SLC24A3: variants seen among roughly 807,000 people sequenced by gnomAD.
SLC24A3 encodes the protein solute carrier family 24 member 3, also known as sodium/potassium/calcium exchanger 3.
SLC24A3 carries 28 observed loss-of-function variants against 75.8 expected under a neutral mutation model. The ratio of observed to expected loss-of-function variants is 0.37; its 90% CI spans 0.27 to 0.51. The LOEUF (loss-of-function observed/expected upper bound fraction) is 0.51. SLC24A3 is among the 20% of genes least tolerant of loss of function. The pLI is 0.94. For missense variants in SLC24A3, 663 were observed against 847.8 expected (o/e 0.78, Z 2.71); for synonymous variants, 372 against 334.1 (o/e 1.11, Z -1.24).
chr20:19,577,884 T>G (rs1252179160), intron 3 of SLC24A3, among the ~76,000 whole-genome samples: 2 of 152,222 alleles, frequency 1.3e-5, no homozygotes, highest in Admixed American at 6.5e-5. Flanking sequence ...GATAACTTAT[T>G]GTAGTCAGCA....
chr20:19,636,094 C>T (rs182756532), intron 6 of SLC24A3, among the ~76,000 whole-genome samples: 1 of 152,212 alleles, frequency 6.6e-6, no homozygotes, highest in Admixed American at 6.5e-5. Context: ...GAGCCAAGAT[C>T]GTGCCACTGC....
chr20:19,534,456 G>A (rs532578615), intron 3 of SLC24A3, among the ~76,000 whole-genome samples: 2 of 100,844 alleles, frequency 2.0e-5, no homozygotes, highest in Admixed American at 1.1e-4. Context: ...TGTCACCCAG[G>A]CTGGAGTGCA....
chr20:19,559,087 G>T (rs1243261971), intron 3 of SLC24A3, among the ~76,000 whole-genome samples: 1 of 152,176 alleles, frequency 6.6e-6, no homozygotes, highest in Non-Finnish European at 1.5e-5. Context: ...ACTCCCACCA[G>T]CAATATCTGA....
At chr20:19,458,978 G>C (rs148917751) in intron 2 of SLC24A3, among the ~76,000 whole-genome samples, 1 of 152,308 alleles carries the variant, frequency 6.6e-6, no homozygotes, top group East Asian at 1.9e-4. Context: ...GCCCATTGGA[G>C]TGGTTAAGAT....
At chr20:19,594,592 A>G (rs1192339016) in intron 6 of SLC24A3, among the ~76,000 whole-genome samples, 1 of 152,252 alleles carries the variant, frequency 6.6e-6, no homozygotes, top group African/African-American at 2.4e-5. Context: ...AGTTTCAGGC[A>G]CTGAAGAGGC....
intron 3 of SLC24A3, among the ~76,000 whole-genome samples, chr20:19,520,354 C>T (rs1420481669): frequency 6.6e-6 from 1 of 152,186 alleles, no homozygotes; most frequent in African/African-American, 2.4e-5. Flanking sequence ...GTTGGAGTTG[C>T]TGCCATCTGC....
intron 2 of SLC24A3, among the ~76,000 whole-genome samples, chr20:19,510,126 G>C (rs1988515311): frequency 6.6e-6 from 1 of 152,210 alleles, no homozygotes; most frequent in Non-Finnish European, 1.5e-5. Flanking sequence ...TGCTGCCCCA[G>C]TGGGTCTCTA....
intron 9 of SLC24A3, among the ~76,000 whole-genome samples, chr20:19,679,809 A>C (rs2032588913): frequency 6.6e-6 from 1 of 152,230 alleles, no homozygotes; most frequent in Admixed American, 6.5e-5. Context: ...AATTCAAATA[A>C]ATTCCACTCA....
chr20:19,405,478 C>A (rs1176358808), intron 2 of SLC24A3, among the ~76,000 whole-genome samples: 1 of 152,184 alleles, frequency 6.6e-6, no homozygotes, highest in Non-Finnish European at 1.5e-5. Context: ...AATTTCTTTT[C>A]ATTTTGAGTC....
rs145094883 is a variant in SLC24A3, at chr20:19,448,471, A to G, written c.272-67017A>G. 5.9e-3 allele frequency among the ~76,000 whole-genome samples: 896 copies of G among 152,256 alleles called. 9 individuals are homozygous for G. The highest frequency in any genetic ancestry group is 0.021 in the African/African-American group (863 of 41,532). ...CAAGCCTCGTCCGCCTGACTTCAAC[A>G]CCGTGTTTTCCCAGGTGTCACACGA... On this transcript the variant is annotated intron_variant, in intron 2 of 16. Coordinates refer to ENST00000328041, the MANE Select transcript of SLC24A3 (RefSeq NM_020689.4).
chr20:19,494,458 T>C (rs139034891), intron 2 of SLC24A3, among the ~76,000 whole-genome samples: 33 of 152,286 alleles, frequency 2.2e-4, no homozygotes, highest in African/African-American at 7.7e-4. Context: ...AATGAAATCA[T>C]CTGGGAAACA....
intron 6 of SLC24A3, among the ~76,000 whole-genome samples, chr20:19,642,482 C>T (rs1465878432): frequency 6.6e-6 from 1 of 152,190 alleles, no homozygotes; most frequent in African/African-American, 2.4e-5. Flanking sequence ...TGAAGAGTAG[C>T]TCAGGCTTCC....
intron 2 of SLC24A3, among the ~76,000 whole-genome samples, chr20:19,418,885 C>G (rs1007647093): frequency 6.6e-6 from 1 of 151,926 alleles, no homozygotes; most frequent in Non-Finnish European, 1.5e-5. Context: ...TCCCACTGGC[C>G]AGAGGTGTAA....
chr20:19,615,039 C>T (rs1417014646), intron 6 of SLC24A3, among the ~76,000 whole-genome samples: 1 of 139,532 alleles, frequency 7.2e-6, no homozygotes, highest in Non-Finnish European at 1.6e-5. Flanking sequence ...TGGTCTTTAG[C>T]TTCATCCTTA....
chr20:19,293,881 C>G (rs2122238367), intron 2 of SLC24A3, among the ~76,000 whole-genome samples: 1 of 152,086 alleles, frequency 6.6e-6, no homozygotes, highest in Admixed American at 6.5e-5. Flanking sequence ...CCTTTAGGTC[C>G]AGTGGTCCCT....
chr20:19,586,416 G>A (rs1471488259), intron 6 of SLC24A3, among the ~76,000 whole-genome samples: 3 of 152,126 alleles, frequency 2.0e-5, no homozygotes, highest in Non-Finnish European at 2.9e-5. Flanking sequence ...CAATATCAAG[G>A]AACCTGCTGA....
At chr20:19,614,373 A>T (rs1439856296) in intron 6 of SLC24A3, among the ~76,000 whole-genome samples, 2 of 152,224 alleles carry the variant, frequency 1.3e-5, no homozygotes, top group Non-Finnish European at 2.9e-5. Flanking sequence ...ATGACCTGTT[A>T]TTATGCTCTT....
chr20:19,306,620 T>C (rs1249184456), intron 2 of SLC24A3, among the ~76,000 whole-genome samples: 1 of 152,150 alleles, frequency 6.6e-6, no homozygotes, highest in African/African-American at 2.4e-5. Flanking sequence ...AAATGCTACA[T>C]GTTCTCACTT....
intron 2 of SLC24A3, among the ~76,000 whole-genome samples, chr20:19,483,986 A>G (rs1988094302): frequency 1.3e-5 from 2 of 152,224 alleles, no homozygotes; most frequent in African/African-American, 4.8e-5. Context: ...ACGTATCCAA[A>G]AGAATGTATA....
Sources: gnomAD v4.1 joint callset for allele counts (sites outside exome capture counted in the v4.1 genomes callset) on GRCh38, gnomAD v4.1.1 for gene constraint, MANE v1.5 for transcripts, NCBI Gene and HGNC (gene_info 2026-07-23, HGNC 2026-07-21) for gene names.